PLCG2: variants seen among roughly 807,000 people sequenced by gnomAD.
PLCG2 encodes the protein phospholipase C gamma 2, also known as 1-phosphatidylinositol 4,5-bisphosphate phosphodiesterase gamma-2.
Under a neutral mutation model 175.6 loss-of-function variants are expected in PLCG2, and 69 were observed. The ratio of observed to expected loss-of-function variants is 0.39; its 90% CI spans 0.32 to 0.48. The LOEUF is 0.48. Among genes scored for constraint, PLCG2 ranks in the 20% least tolerant of loss-of-function variants. The probability of loss-of-function intolerance (pLI) is 0.91; values close to 1 mark genes in which losing one functional copy is unlikely to be tolerated. For synonymous variants in PLCG2, 827 were observed against 624.0 expected (o/e 1.33, Z -4.85); for missense variants, 1,798 against 1,650.9 (o/e 1.09, Z -1.54).
At chr16:81,914,128 G>T (rs1487941448) in intron 19 of PLCG2, among the ~76,000 whole-genome samples, 1 of 152,228 alleles carries the variant, frequency 6.6e-6, no homozygotes, top group East Asian at 1.9e-4. Flanking sequence ...AAAACCTGCT[G>T]TGTGCCAGGC....
At chr16:81,848,042 C>T (rs1208898320) in intron 2 of PLCG2, among the ~76,000 whole-genome samples, 2 of 152,272 alleles carry the variant, frequency 1.3e-5, no homozygotes, top group Admixed American at 1.3e-4. Context: ...CATAGACTAG[C>T]AAACACAGCA....
In PLCG2 at chr16:81,761,500, G is replaced by A. The variant is rs547485784; in HGVS notation, c.-48+5534G>A. On this transcript the variant is annotated intron_variant, in intron 2 of 5. Transcript: ENST00000565054. ...AATGGTTAAGCTTGGGCAGCAGCCT[G>A]GGAGCTGACTGCCTAGGTTAGAGTC... Among the ~76,000 whole-genome samples, 177 of 152,358 alleles carry A rather than the reference G, an allele frequency of 1.2e-3. 1 individual carries two copies. The highest frequency in any genetic ancestry group is 6.8e-3 in the Middle Eastern group (2 of 294).
intron 1 of PLCG2, among the ~76,000 whole-genome samples, chr16:81,741,432 G>A (rs577746121): frequency 1.7e-4 from 26 of 152,060 alleles, no homozygotes; most frequent in East Asian, 1.5e-3. Flanking sequence ...TTTTTTTTCC[G>A]TCAAAAATTT....
intron 2 of PLCG2, among the ~76,000 whole-genome samples, chr16:81,797,092 G>A (rs1291345545): frequency 6.6e-6 from 1 of 152,298 alleles, no homozygotes; most frequent in Middle Eastern, 3.4e-3. Context: ...GGGCCCTGAG[G>A]GTGTAAGAGG....
chr16:81,937,603 A>G, intron 27 of PLCG2, 155 bp from the exon 28 acceptor site: 1 of 547,706 alleles, frequency 1.8e-6, no homozygotes, highest in South Asian at 2.9e-5. Flanking sequence ...CTGTCTAGAA[A>G]CCCTATATTT....
intron 2 of PLCG2, among the ~76,000 whole-genome samples, chr16:81,762,715 A>T (rs1910066683): frequency 6.6e-6 from 1 of 152,230 alleles, no homozygotes; most frequent in African/African-American, 2.4e-5. Flanking sequence ...CCTGAGCAAA[A>T]GAATACACCA....
In PLCG2 at chr16:81,889,090, T is replaced by C. The variant is rs928366471; in HGVS notation, c.766-82T>C. ...AATTGGTTGATGTTTCAGTCTTCGATTGCGACTGGATGGACCCTGGGAAAT... is the reference window on the plus strand; with the variant it reads ...AATTGGTTGATGTTTCAGTCTTCGACTGCGACTGGATGGACCCTGGGAAAT... On this transcript the variant is annotated intron_variant, in intron 9 of 32. Transcript: ENST00000564138. The C allele has an allele frequency of 4.9e-6, 4 of 819,538 alleles. No individual in the cohort carries two copies. The African/African-American group carries it at 5.1e-5, about 10-fold the overall frequency. The allele number at this position is 819,538 out of a possible 1,614,324, so 50.8% of individuals were successfully genotyped here. A position where few individuals can be genotyped will look rare whatever the true frequency, so the allele number is the denominator to read the frequency against.
At chr16:81,923,306 G>A (rs1200867131) in intron 21 of PLCG2, 179 bp from the exon 22 acceptor site, 1 of 556,916 alleles carries the variant, frequency 1.8e-6, no homozygotes, top group Non-Finnish European at 3.2e-6. Flanking sequence ...ACTCCCTGGT[G>A]GCTTTTTGGG....
At chr16:81,826,089 A>G (rs982521325) in intron 2 of PLCG2, among the ~76,000 whole-genome samples, 3 of 152,194 alleles carry the variant, frequency 2.0e-5, no homozygotes, top group African/African-American at 7.2e-5. Context: ...AAAACAACGG[A>G]GATCTCTGCC....
intron 14 of PLCG2, among the ~76,000 whole-genome samples, chr16:81,905,168 T>C (rs1281368310): frequency 1.3e-5 from 2 of 152,246 alleles, no homozygotes; most frequent in Non-Finnish European, 2.9e-5. Flanking sequence ...CTTATAGGTG[T>C]GAGCCACTGC....
chr16:81,931,352 G>A, intron 24 of PLCG2, 145 bp from the exon 25 acceptor site: 1 of 665,970 alleles, frequency 1.5e-6, no homozygotes, highest in Non-Finnish European at 2.6e-6. Context: ...TTACCCCGAT[G>A]GAAAGTAGAC....
intron 21 of PLCG2, among the ~76,000 whole-genome samples, chr16:81,922,761 G>A (rs866326450): frequency 6.6e-6 from 1 of 152,204 alleles, no homozygotes; most frequent in South Asian, 2.1e-4. Flanking sequence ...GTTTGACAAC[G>A]TCAGAGCTTT....
At chr16:81,803,587 T>TTTCCTTTCCTTTCC in intron 2 of PLCG2, among the ~76,000 whole-genome samples, 1 of 43,786 alleles carries the variant, frequency 2.3e-5, no homozygotes, top group East Asian at 8.1e-4. Flanking sequence ...CTTTCCTTTC[T>TTTCCTTTCCTTTCC]TTTCTTTTCT....
At chr16:81,866,343 C>T (rs28415183) in intron 5 of PLCG2, among the ~76,000 whole-genome samples, 4 of 134,902 alleles carry the variant, frequency 3.0e-5, no homozygotes, top group African/African-American at 8.7e-5. Flanking sequence ...AGGACGCTGG[C>T]CTCTCCCTTG....
rs199760975 is a variant in PLCG2, at chr16:81,883,283, C to T, written c.707C>T (p.Pro236Leu). 4.6e-4 allele frequency: 735 copies of T among 1,614,074 alleles called. 1 individual carries two copies. Among genetic ancestry groups the T allele is most frequent in the Non-Finnish European group, 5.8e-4 (690 of 1,179,936 alleles). Residue 236 changes from proline to leucine, a missense_variant, in exon 9 of 33, where the codon CCG becomes CTG. By Grantham distance (98) the Pro-to-Leu change is moderately conservative (BLOSUM62 -3). Coordinates refer to ENST00000564138, the MANE Select transcript of PLCG2 (RefSeq NM_002661.5). ...SVFILGNTDRPDASAVYLHDF... is the reference protein window; with the variant it reads ...SVFILGNTDRLDASAVYLHDF... ...CCCGAGGATAGGAACACTGACAGGCCGGATGCCTCTGCTGTTTACCTGCAT... is the reference window on the plus strand; with the variant it reads ...CCCGAGGATAGGAACACTGACAGGCTGGATGCCTCTGCTGTTTACCTGCAT...
At chr16:81,837,070 C>T (rs80314689) in intron 2 of PLCG2, among the ~76,000 whole-genome samples, 3,931 of 152,296 alleles carry the variant, frequency 0.026, 71 homozygotes, top group Middle Eastern at 0.051. Flanking sequence ...TATTCCAGGC[C>T]ATCCAAGTTA....
At chr16:81,895,600 G>C (rs1908846502) in intron 12 of PLCG2, 1 of 505,130 alleles carries the variant, frequency 2.0e-6, no homozygotes, top group Non-Finnish European at 3.5e-6. Flanking sequence ...ATTGAAACTA[G>C]CTTGTCTTGG....
chr16:81,793,233 AGGAGCT>A (rs1229938031), intron 2 of PLCG2, among the ~76,000 whole-genome samples: 1 of 152,142 alleles, frequency 6.6e-6, no homozygotes, highest in Non-Finnish European at 1.5e-5. Flanking sequence ...CATAGAGTTA[AGGAGCT>A]GGTTGTCTGT....
rs776055769 is a variant in PLCG2, at chr16:81,883,285, G to T, written c.709G>T (p.Asp237Tyr). The T allele has an allele frequency of 1.2e-6, 2 of 1,614,144 alleles. No individual in the cohort carries two copies. Among genetic ancestry groups the T allele is most frequent in the East Asian group, 4.5e-5 (2 of 44,886 alleles). The change falls in exon 9 of 33, where the codon GAT (aspartate) becomes TAT (tyrosine). Residue 237 changes from aspartate to tyrosine, a missense_variant. By Grantham distance (160) the Asp-to-Tyr change is radical. Transcript: ENST00000564138. ...VFILGNTDRP[D>Y]ASAVYLHDFQ... Reference sequence around the variant, plus strand: ...CGAGGATAGGAACACTGACAGGCCGGATGCCTCTGCTGTTTACCTGCATGA... The same window carrying T: ...CGAGGATAGGAACACTGACAGGCCGTATGCCTCTGCTGTTTACCTGCATGA...
Sources: gnomAD v4.1 joint callset for allele counts (sites outside exome capture counted in the v4.1 genomes callset) on GRCh38, gnomAD v4.1.1 for gene constraint, MANE v1.5 for transcripts, NCBI Gene and HGNC (gene_info 2026-07-23, HGNC 2026-07-21) for gene names.